The following RAD17 variants were observed in gnomAD, a reference collection of about 807,000 sequenced individuals.
The protein encoded by RAD17 is cell cycle checkpoint protein RAD17.
Under a neutral mutation model 81.5 loss-of-function variants are expected in RAD17, and 31 were observed. The observed-to-expected ratio is 0.38, with a 90% CI of 0.29 to 0.51. The LOEUF (loss-of-function observed/expected upper bound fraction) is 0.51. Among genes scored for constraint, RAD17 ranks in the 20% least tolerant of loss-of-function variants. The pLI is 0.88. For missense variants in RAD17, 681 were observed against 781.2 expected, an observed-to-expected ratio of 0.87 and a Z score of 1.53; for synonymous variants, 261 against 266.2, an observed-to-expected ratio of 0.98 and a Z score of 0.19.
intron 13 of RAD17, among the ~76,000 whole-genome samples, chr5:69,392,298 T>G (rs556214148): frequency 6.6e-6 from 1 of 152,208 alleles, no homozygotes; most frequent in African/African-American, 2.4e-5. Flanking sequence ...TCTAGACTTG[T>G]AGTGGCAAGT....
rs1554044687 is a variant in RAD17 at position 69,410,965 on chromosome 5, C to CCATATATATATATA, written c.1751+415_1751+416insCATATATATATATA. 6.0e-3 allele frequency among the ~76,000 whole-genome samples: 543 copies of CCATATATATATATA among 90,206 alleles called. 32 individuals are homozygous for CCATATATATATATA. Among genetic ancestry groups the CCATATATATATATA allele is most frequent in the Middle Eastern group, 0.013 (2 of 152 alleles). 59.2% of individuals were successfully genotyped at this position (90,206 alleles called of 152,430 possible). On this transcript the variant is annotated intron_variant, in intron 18 of 18. Transcript: ENST00000354868. ...AAACAAGCAAAAAATAGATGTCTGTCTATATATATATATATATATATATAT... is the reference window on the plus strand; with the variant it reads ...AAACAAGCAAAAAATAGATGTCTGTCCATATATATATATATATATATATATATATATATATATAT...
At position 69,400,188 on chromosome 5, in the gene RAD17, C is replaced by A. The variant is rs375348418; in HGVS notation, c.1693+19C>A. 1 of 1,453,070 alleles carries A rather than the reference C, an allele frequency of 6.9e-7. No individual in the cohort carries two copies. The highest frequency in any genetic ancestry group is 1.5e-5 in the African/African-American group (1 of 68,504). The allele number at this position is 1,453,070 out of a possible 1,614,324, so 90.0% of individuals were successfully genotyped here. A position where few individuals can be genotyped will look rare whatever the true frequency, so the allele number is the denominator to read the frequency against. On this transcript the variant is annotated intron_variant, in intron 17 of 18. Transcript: ENST00000354868. ...AATCAAGGTAATAACATAGGTTTTT[C>A]TTTTCTTTTAAGAAGTAGGGTTTAT...
chr5:69,396,623 T>A, intron 16 of RAD17, 77 bp downstream of exon 16: 1 of 1,342,302 alleles, frequency 7.4e-7, no homozygotes, highest in Non-Finnish European at 9.8e-7. Flanking sequence ...AAAGCAGTTA[T>A]TTTCTTTAAA....
chr5:69,388,673 C>G (rs1764362715), intron 11 of RAD17, among the ~76,000 whole-genome samples: 1 of 151,858 alleles, frequency 6.6e-6, no homozygotes, highest in African/African-American at 2.4e-5. Context: ...GTGGCAAGAT[C>G]ATAGCTCACT....
At chr5:69,378,832 C>T (rs1157626219) in intron 6 of RAD17, among the ~76,000 whole-genome samples, 1 of 152,216 alleles carries the variant, frequency 6.6e-6, no homozygotes, top group Non-Finnish European at 1.5e-5. Flanking sequence ...GGTATAGCCT[C>T]TTGCTCCTAT....
At chr5:69,378,546 A>G (rs944318958) in intron 6 of RAD17, among the ~76,000 whole-genome samples, 25 of 152,326 alleles carry the variant, frequency 1.6e-4, no homozygotes, top group African/African-American at 6.0e-4. Context: ...TATTCAAGGT[A>G]GTTATGTTCT....
intron 1 of RAD17, 182 bp downstream of exon 1, chr5:69,370,115 G>A (rs1580339490): frequency 9.3e-6 from 2 of 214,546 alleles, no homozygotes; most frequent in Non-Finnish European, 9.2e-6. Flanking sequence ...GCTCAACCCG[G>A]CACCCCACTG....
At chr5:69,412,873 C>T (rs1201747235) in intron 18 of RAD17, among the ~76,000 whole-genome samples, 2 of 151,722 alleles carry the variant, frequency 1.3e-5, no homozygotes, top group African/African-American at 4.8e-5. Context: ...CGTGTAATCC[C>T]TGCTACTCCA....
intron 7 of RAD17, 108 bp downstream of exon 7, chr5:69,382,165 G>A (rs1763899851): frequency 7.6e-7 from 1 of 1,309,850 alleles, no homozygotes; most frequent in Non-Finnish European, 1.1e-6. Context: ...CTTGCTTTCA[G>A]AGGGATGGAA....
chr5:69,398,868 TAAAAAAAAA>T (rs72281552), intron 16 of RAD17, among the ~76,000 whole-genome samples: 3 of 109,880 alleles, frequency 2.7e-5, no homozygotes, highest in Admixed American at 1.0e-4. Context: ...ATCTCCTGGT[TAAAAAAAAA>T]AAAAAAAAAA....
intron 17 of RAD17, among the ~76,000 whole-genome samples, chr5:69,407,120 A>G (rs1362511766): frequency 6.6e-6 from 1 of 150,448 alleles, no homozygotes; most frequent in African/African-American, 2.5e-5. Flanking sequence ...CTCCTACCTC[A>G]GCCTCCTGAG....
chr5:69,377,495 A>G (rs1179561618), intron 6 of RAD17, among the ~76,000 whole-genome samples: 44 of 72,868 alleles, frequency 6.0e-4, no homozygotes, highest in African/African-American at 1.8e-3. Context: ...ACATATATAT[A>G]CGTATATATA....
intron 6 of RAD17, among the ~76,000 whole-genome samples, chr5:69,375,147 A>G (rs190513555): frequency 6.6e-6 from 1 of 152,368 alleles, no homozygotes; most frequent in Non-Finnish European, 1.5e-5. Context: ...AAAGCGAAAA[A>G]GAAAGCTTCA....
Position 69,400,126 on chromosome 5 carries a change from A to G in RAD17, c.1650A>G (p.Leu550=), listed in dbSNP as rs780467116. The G allele has an allele frequency of 1.1e-5, 17 of 1,602,432 alleles. No individual in the cohort carries two copies. Among genetic ancestry groups the G allele is most frequent in the Admixed American group, 3.4e-5 (2 of 59,044 alleles). The change falls in exon 17 of 19, where the codon CTA becomes CTG. Residue 550 remains leucine (L), a synonymous_variant. Transcript: ENST00000354868. ...CLPALCLQTQ[L]LPYLALLTIP... ...CAGCTTTATGCCTCCAAACTCAGCT[A>G]TTGCCATACCTTGCTCTACTAACCA...
intron 17 of RAD17, among the ~76,000 whole-genome samples, chr5:69,400,505 C>G (rs183099011): frequency 6.6e-6 from 1 of 152,002 alleles, no homozygotes; most frequent in Non-Finnish European, 1.5e-5. Flanking sequence ...TGTGAGCCAC[C>G]GCACACGGCC....
intron 15 of RAD17, among the ~76,000 whole-genome samples, chr5:69,395,595 AT>A (rs1426420780): frequency 3.9e-5 from 6 of 152,192 alleles, no homozygotes; most frequent in Non-Finnish European, 8.8e-5. Flanking sequence ...TGGATACCCC[AT>A]TTAACTTGAG....
At chr5:69,404,011 ATTCTGTT>A (rs36017217) in intron 17 of RAD17, among the ~76,000 whole-genome samples, 51,779 of 151,812 alleles carry the variant, frequency 0.34, 10,316 homozygotes, top group Non-Finnish European at 0.46. Context: ...TATGACACAA[ATTCTGTT>A]TTCTGTTTTG....
chr5:69,369,500 C>A (rs376649410), upstream of RAD17: 271 of 1,611,534 alleles, frequency 1.7e-4, no homozygotes, highest in Non-Finnish European at 2.0e-4. Context: ...TGGTCCCCGC[C>A]GCGACGGCTT....
intron 17 of RAD17, among the ~76,000 whole-genome samples, chr5:69,408,506 CTTTTTT>C (rs913594965): frequency 1.8e-4 from 16 of 88,432 alleles, no homozygotes; most frequent in African/African-American, 6.4e-4. Context: ...ACCCTAATTA[CTTTTTT>C]TTTTTTTTTT....
Sources: gnomAD v4.1 joint callset for allele counts (sites outside exome capture counted in the v4.1 genomes callset) on GRCh38, gnomAD v4.1.1 for gene constraint, MANE v1.5 for transcripts, NCBI Gene and HGNC (gene_info 2026-07-23, HGNC 2026-07-21) for gene names.